TFE3: variants seen among roughly 807,000 people sequenced by gnomAD.
The protein encoded by TFE3 is transcription factor E3.
In TFE3, 5 loss-of-function variants were observed where a neutral mutation model predicts 35.0. The observed-to-expected ratio is 0.14, with a 90% CI of 0.07 to 0.30. TFE3 has a LOEUF of 0.30. Among genes scored for constraint, TFE3 ranks in the 10% least tolerant of loss-of-function variants. TFE3 has a pLI of 1.00. For synonymous variants in TFE3, 211 were observed against 215.6 expected (o/e 0.98, Z 0.18); for missense variants, 374 against 496.6 (o/e 0.75, Z 2.35).
In TFE3 at chrX:49,031,439, T is replaced by A. The variant is rs781862455; in HGVS notation, c.1242A>T (p.Arg414=). The A allele has an allele frequency of 3.3e-6, 4 of 1,203,956 alleles. No individual in the cohort carries two copies. The highest frequency in any genetic ancestry group is 4.5e-6 in the Non-Finnish European group (4 of 891,380). ...QRSKDLESRQ[R]SLEQANRSLQ... ...GGCTGCGGTTGGCCTGCTCCAGGGA[T>A]CGCTGCCGGCTCTCCAGGTCTTTGG... Residue 414 remains arginine, a synonymous_variant, in exon 9 of 10, where the codon CGA becomes CGT. Transcript: ENST00000315869.
In TFE3 at chrX:49,028,804, C is replaced by T. The variant is rs2064681655; in HGVS notation, c.*1354G>A. 5.9e-6 allele frequency: 1 copy of T among 168,874 alleles called. No homozygotes were observed. The highest frequency in any genetic ancestry group is 8.2e-5 in the Admixed American group (1 of 12,264). The allele number at this position is 168,874 out of a possible 1,213,427, so 13.9% of individuals were successfully genotyped here. ...CAAACCTATAGACCCCTCAGTATAC[C>T]CTCCATGGGGCCTGGCCCCAGCAAT... is the stretch of plus-strand genomic sequence containing the variant. On this transcript the variant is annotated 3_prime_UTR_variant, in exon 10 of 10. Coordinates refer to ENST00000315869, the MANE Select transcript of TFE3 (RefSeq NM_006521.6).
At chrX:49,040,917 C>A (rs781915738) in intron 1 of TFE3, among the ~76,000 whole-genome samples, 64 of 107,269 alleles carry the variant, frequency 6.0e-4, no homozygotes, top group African/African-American at 2.2e-3. Context: ...CAGAGTTCTC[C>A]CAGCCCCCAT....
At chrX:49,036,946 G>C (rs1198546555) in intron 5 of TFE3, among the ~76,000 whole-genome samples, 6 of 112,285 alleles carry the variant, frequency 5.3e-5, no homozygotes, top group African/African-American at 1.9e-4. Context: ...AGTTCACTTG[G>C]TATATTCCAA....
Position 49,042,973 on chromosome X carries a change from G to GC in TFE3, c.116+137dup, listed in dbSNP as rs782398277. The GC allele has an allele frequency of 5.7e-5, 25 of 435,778 alleles. No individual in the cohort carries two copies. The South Asian group carries it at 7.6e-4, about 13-fold the overall frequency. 35.9% of individuals were successfully genotyped at this position (435,778 alleles called of 1,213,427 possible). A position where few individuals can be genotyped will look rare whatever the true frequency, so the allele number is the denominator to read the frequency against. On this transcript the variant is annotated intron_variant, in intron 1 of 9. Transcript: ENST00000315869. ...CAGGCCACTGCCGGATTCCTTAGGT[G>GC]CCCCCCCAAGACGGGCGCCCCGACG...
In TFE3 at chrX:49,038,355, C is replaced by T. The variant is rs1557075134; in HGVS notation, c.622G>A (p.Gly208Arg). Reference protein sequence around the residue: ...QVKQYLSTTLGPKLASQALTP... With the variant: ...QVKQYLSTTLRPKLASQALTP... The stretch of plus-strand genomic sequence containing the variant: ...AGGGCCTGGGAAGCCAGCTTGGGCC[C>T]GAGTGTGGTGGACAGGTACTGTTTC... The change falls in exon 4 of 10, where the codon GGG (glycine) becomes AGG (arginine). Residue 208 changes from glycine (G) to arginine (R), a missense_variant. By Grantham distance (125) the Gly-to-Arg change is moderately radical. Around this residue, in one of 3 missense-constraint regions of TFE3, gnomAD observed 167 missense variants for 297.2 expected, o/e 0.56. Transcript: ENST00000315869. The T allele has an allele frequency of 1.0e-5, 12 of 1,204,966 alleles. No homozygotes were observed. Among genetic ancestry groups the T allele is most frequent in the African/African-American group, 1.7e-5 (1 of 57,155 alleles).
chrX:49,038,150 G>T, intron 4 of TFE3, 36 bp from the exon 5 acceptor site: 1 of 1,211,811 alleles, frequency 8.3e-7, no homozygotes, highest in Non-Finnish European at 1.1e-6. Context: ...AGGTTTAGAA[G>T]AATTTGGGAG....
At chrX:49,035,547 C>T (rs1557074581) in intron 5 of TFE3, among the ~76,000 whole-genome samples, 2 of 102,027 alleles carry the variant, frequency 2.0e-5, no homozygotes, top group Non-Finnish European at 2.0e-5. Context: ...GCTGGGACTA[C>T]AGGCACCCGC....
chrX:49,036,328 G>A (rs190130367), intron 5 of TFE3, among the ~76,000 whole-genome samples: 40 of 107,314 alleles, frequency 3.7e-4, no homozygotes, highest in African/African-American at 1.3e-3. Context: ...TTAGCCAGGC[G>A]TGCTGGCGGG....
chrX:49,034,712 T>G (rs1242326166), intron 5 of TFE3, among the ~76,000 whole-genome samples: 1 of 112,052 alleles, frequency 8.9e-6, no homozygotes, highest in Non-Finnish European at 1.9e-5. Flanking sequence ...CCGACCTTGG[T>G]AAATTGTCAT....
At position 49,040,473 on chromosome X, in the gene TFE3, G is replaced by T. The variant is rs1557075542; in HGVS notation, c.212C>A (p.Pro71His). The stretch of plus-strand genomic sequence containing the variant: ...TACATACCTTGAGCGAAGGGGTAAG[G>T]GTTGGCTTTTGAGCTCGTAGAAGCT... ...PDSFYELKSQ[P>H]LPLRSSLPIS... is the part of the protein sequence containing the mutation. Residue 71 changes from proline (P) to histidine (H), a missense_variant, in exon 2 of 10, where the codon CCC becomes CAC. Pro to His is a moderately conservative substitution (Grantham distance 77, BLOSUM62 -2). This residue lies in a region of TFE3 where 90 missense variants were observed against 87.5 expected (regional missense o/e 1.03). Coordinates refer to ENST00000315869, the MANE Select transcript of TFE3 (RefSeq NM_006521.6). 1.7e-6 allele frequency: 2 copies of T among 1,209,338 alleles called. No homozygotes were observed. Among genetic ancestry groups the T allele is most frequent in the Admixed American group, 2.2e-5 (1 of 45,949 alleles).
rs2064741343 is a variant in TFE3 at position 49,038,249 on chromosome X, G to A, written c.728C>T (p.Ala243Val). The change falls in exon 4 of 10, where the codon GCG (alanine) becomes GTG (valine). Residue 243 changes from alanine to valine, a missense_variant. By Grantham distance (64) the Ala-to-Val change is moderately conservative. Coordinates refer to ENST00000315869, the MANE Select transcript of TFE3 (RefSeq NM_006521.6). ...GAGCAGCGCCATGGGGCTGTTGGGC[G>A]CACTGCCTGTGGGGCCGGTAGTGTG... ...AAHTTGPTGS[A>V]PNSPMALLTI... is the part of the protein sequence containing the mutation. The A allele has an allele frequency of 1.7e-6, 2 of 1,210,065 alleles. No homozygotes were observed. Among genetic ancestry groups the A allele is most frequent in the Non-Finnish European group, 2.2e-6 (2 of 895,071 alleles).
At chrX:49,043,021 C>T in intron 1 of TFE3, 90 bp downstream of exon 1, 1 of 780,433 alleles carries the variant, frequency 1.3e-6, no homozygotes, top group Non-Finnish European at 1.8e-6. Context: ...AGGCCGAGGG[C>T]CTCCAATCCC....
chrX:49,029,222 G>C lies in TFE3; in HGVS notation c.*936C>G, dbSNP rs2064684067. On this transcript the variant is annotated 3_prime_UTR_variant, in exon 10 of 10. Coordinates refer to ENST00000315869, the MANE Select transcript of TFE3 (RefSeq NM_006521.6). ...TCCCAAACTGCCCCTCAAGGAAGAA[G>C]GCAGGACTCTGCCCAAGGGTGGGGG... 5.7e-6 allele frequency: 1 copy of C among 176,075 alleles called. No individual in the cohort carries two copies. The highest frequency in any genetic ancestry group is 3.0e-5 in the African/African-American group (1 of 33,743). The allele number at this position is 176,075 out of a possible 1,213,427, so 14.5% of individuals were successfully genotyped here. A position where few individuals can be genotyped will look rare whatever the true frequency, so the allele number is the denominator to read the frequency against.
chrX:49,036,894 A>G lies in TFE3; in HGVS notation c.885+1116T>C, dbSNP rs989128543. Among the ~76,000 whole-genome samples the G allele has an allele frequency of 6.2e-5, 7 of 112,636 alleles. No homozygotes were observed. In the South Asian group the frequency reaches 2.5e-3, roughly 41 times the overall value. On this transcript the variant is annotated intron_variant, in intron 5 of 9. Transcript: ENST00000315869. ...TACAATGGTATATCCCTTGCTCTAG[A>G]AAGTTTTATCTACTGACTAGAAGGA...
intron 9 of TFE3, 98 bp from the exon 10 acceptor site, chrX:49,030,699 G>T: frequency 1.4e-6 from 1 of 733,622 alleles, no homozygotes; most frequent in Non-Finnish European, 2.0e-6. Context: ...CCCTGGGTTG[G>T]AATTCAGCTT....
chrX:49,031,025 C>T (rs1191765000), intron 9 of TFE3, among the ~76,000 whole-genome samples: 4 of 110,251 alleles, frequency 3.6e-5, no homozygotes, highest in African/African-American at 6.6e-5. Context: ...GCGGAGGTTG[C>T]GGTGAGCCGA....
At chrX:49,031,305 C>G (rs1167949000) in intron 9 of TFE3, 92 bp downstream of exon 9, 1 of 1,037,162 alleles carries the variant, frequency 9.6e-7, no homozygotes, top group Non-Finnish European at 1.3e-6. Context: ...CCCAAGTATG[C>G]CAGGAAGGGA....
chrX:49,032,653 G>T (rs1234172556), intron 8 of TFE3, among the ~76,000 whole-genome samples: 1 of 109,677 alleles, frequency 9.1e-6, no homozygotes, highest in African/African-American at 3.3e-5. Flanking sequence ...TTACAGGCGT[G>T]AGCCACTGCA....
At chrX:49,041,216 C>A (rs1352878651) in intron 1 of TFE3, among the ~76,000 whole-genome samples, 2 of 111,411 alleles carry the variant, frequency 1.8e-5, no homozygotes, top group African/African-American at 6.5e-5. Context: ...CAGGTGTGAG[C>A]CACTGCGCCC....
Sources: allele counts gnomAD v4.1 joint callset (sites outside exome capture counted in the v4.1 genomes callset), GRCh38; gene constraint gnomAD v4.1.1; regional missense constraint gnomAD v4.1.1; transcripts MANE v1.5; gene names NCBI Gene and HGNC (gene_info 2026-07-23, HGNC 2026-07-21).